DISC1: variants seen among roughly 807,000 people sequenced by gnomAD.
DISC1 encodes the protein DISC1 scaffold protein.
In DISC1, 57 loss-of-function variants were observed where a neutral mutation model predicts 84.5. The ratio of observed to expected loss-of-function variants is 0.67; its 90% CI spans 0.55 to 0.84. The LOEUF is 0.84. DISC1 is among the 40% of genes least tolerant of loss of function. The pLI, the probability that DISC1 is intolerant of heterozygous loss-of-function variation, is 0.00. For missense variants in DISC1, 1,000 were observed against 1,057.8 expected, an observed-to-expected ratio of 0.95 and a Z score of 0.76; for synonymous variants, 411 against 415.2, an observed-to-expected ratio of 0.99 and a Z score of 0.12.
intron 9 of DISC1, among the ~76,000 whole-genome samples, chr1:231,822,606 A>G (rs1171098217): frequency 6.6e-6 from 1 of 152,198 alleles, no homozygotes; most frequent in African/African-American, 2.4e-5. Flanking sequence ...CAGTCTCACA[A>G]TTTTTGAGCT....
At chr1:231,913,714 C>G (rs976676977) in intron 9 of DISC1, among the ~76,000 whole-genome samples, 12 of 152,228 alleles carry the variant, frequency 7.9e-5, no homozygotes, top group African/African-American at 2.7e-4. Context: ...TGCCAATGCT[C>G]TGACTCTTTC....
At chr1:232,013,734 G>A (rs1668236555) in intron 11 of DISC1, among the ~76,000 whole-genome samples, 1 of 152,156 alleles carries the variant, frequency 6.6e-6, no homozygotes, top group South Asian at 2.1e-4. Flanking sequence ...GATTCTTCTT[G>A]GACGCTCTGC....
intron 1 of DISC1, among the ~76,000 whole-genome samples, chr1:231,653,519 A>G (rs1553294137): frequency 6.6e-6 from 1 of 152,234 alleles, no homozygotes; most frequent in Non-Finnish European, 1.5e-5. Flanking sequence ...TCCATTGGCC[A>G]GAATGTCACA....
intron 9 of DISC1, among the ~76,000 whole-genome samples, chr1:231,942,294 A>T (rs2091391341): frequency 6.6e-6 from 1 of 152,184 alleles, no homozygotes; most frequent in Non-Finnish European, 1.5e-5. Flanking sequence ...CCTGTAGAAG[A>T]CAGCAGTCAT....
chr1:231,642,522 T>C (rs993162335), intron 1 of DISC1, among the ~76,000 whole-genome samples: 2 of 152,238 alleles, frequency 1.3e-5, no homozygotes, highest in African/African-American at 4.8e-5. Flanking sequence ...GGATGATTGA[T>C]ACCAAATGTA....
chr1:231,819,385 C>T (rs992235973), intron 9 of DISC1: 3 of 172,720 alleles, frequency 1.7e-5, no homozygotes, highest in African/African-American at 7.2e-5. Flanking sequence ...AATATAAAAT[C>T]AGCTAGCTGA....
At chr1:231,896,267 C>T (rs2087681318) in intron 9 of DISC1, among the ~76,000 whole-genome samples, 1 of 152,086 alleles carries the variant, frequency 6.6e-6, no homozygotes, top group African/African-American at 2.4e-5. Context: ...CTACATTTTC[C>T]CTGAACTTGG....
chr1:231,901,624 C>A (rs566231388), intron 9 of DISC1, among the ~76,000 whole-genome samples: 82 of 152,300 alleles, frequency 5.4e-4, no homozygotes, highest in African/African-American at 1.9e-3. Flanking sequence ...CAGACACTGA[C>A]AAATTGTGTG....
chr1:231,970,668 A>G (rs974883719), intron 10 of DISC1, among the ~76,000 whole-genome samples: 2 of 152,246 alleles, frequency 1.3e-5, no homozygotes, highest in Non-Finnish European at 2.9e-5. Context: ...TTTCACTAAT[A>G]GAATAGAAAA....
At chr1:231,645,782 G>A (rs1436045405) in intron 1 of DISC1, among the ~76,000 whole-genome samples, 2 of 152,004 alleles carry the variant, frequency 1.3e-5, no homozygotes, top group African/African-American at 2.4e-5. Context: ...CTGTCCTTGC[G>A]ATAGTTTGCT....
At chr1:231,886,512 AT>A (rs1265662719) in intron 9 of DISC1, among the ~76,000 whole-genome samples, 2 of 152,166 alleles carry the variant, frequency 1.3e-5, no homozygotes, top group Non-Finnish European at 1.5e-5. Flanking sequence ...TCTAAATACC[AT>A]TGCTGAATTG....
intron 10 of DISC1, among the ~76,000 whole-genome samples, chr1:231,974,004 A>ATT (rs575805539): frequency 2.7e-5 from 4 of 147,758 alleles, no homozygotes; most frequent in Non-Finnish European, 4.5e-5. Context: ...GTTGACGGGG[A>ATT]TTTTTTTTTT....
At chr1:231,959,129 T>C (rs921536700) in intron 10 of DISC1, 1 of 1,201,066 alleles carries the variant, frequency 8.3e-7, no homozygotes, top group East Asian at 4.2e-5. Flanking sequence ...ACAGGAGAGT[T>C]TTCATGTTCC....
At chr1:231,784,651 A>G (rs1174814321) in intron 6 of DISC1, among the ~76,000 whole-genome samples, 1 of 152,196 alleles carries the variant, frequency 6.6e-6, no homozygotes, top group East Asian at 1.9e-4. Flanking sequence ...GATTTATGAA[A>G]TGGTCTTTCT....
At chr1:231,676,573 T>A (rs2063175713) in intron 1 of DISC1, among the ~76,000 whole-genome samples, 1 of 152,236 alleles carries the variant, frequency 6.6e-6, no homozygotes, top group African/African-American at 2.4e-5. Context: ...TCTTATTTCC[T>A]GTTTAAATAA....
chr1:231,803,847 C>T (rs900624180), intron 8 of DISC1, among the ~76,000 whole-genome samples: 1 of 143,798 alleles, frequency 7.0e-6, no homozygotes, highest in African/African-American at 2.6e-5. Flanking sequence ...ACTCGGGAGG[C>T]GGAGGCAGGA....
chr1:231,638,749 T>C (rs2059390902), intron 1 of DISC1, among the ~76,000 whole-genome samples: 1 of 152,234 alleles, frequency 6.6e-6, no homozygotes, highest in Non-Finnish European at 1.5e-5. Flanking sequence ...CTGTGTTTAC[T>C]CGTTATTCTC....
At chr1:231,709,798 C>T (rs1032525039) in intron 3 of DISC1, among the ~76,000 whole-genome samples, 5 of 152,284 alleles carry the variant, frequency 3.3e-5, no homozygotes, top group South Asian at 2.1e-4. Context: ...ATCTTATTCA[C>T]GTTTTATGCA....
intron 9 of DISC1, among the ~76,000 whole-genome samples, chr1:231,955,927 A>G (rs1659422907): frequency 6.6e-6 from 1 of 152,230 alleles, no homozygotes; most frequent in Non-Finnish European, 1.5e-5. Context: ...GGGACATAGA[A>G]TATGATACTA....
Sources: allele counts gnomAD v4.1 joint callset (sites outside exome capture counted in the v4.1 genomes callset), GRCh38; gene constraint gnomAD v4.1.1; transcripts MANE v1.5; gene names NCBI Gene and HGNC (gene_info 2026-07-23, HGNC 2026-07-21).